IL1RAPL2: variants seen among roughly 807,000 people sequenced by gnomAD.
IL1RAPL2 encodes the protein interleukin 1 receptor accessory protein like 2, also known as X-linked interleukin-1 receptor accessory protein-like 2.
Under a neutral mutation model 44.1 loss-of-function variants are expected in IL1RAPL2, and 3 were observed. That is an observed-to-expected ratio of 0.07 (90% CI 0.03 to 0.18). IL1RAPL2 has a LOEUF of 0.18. Among genes scored for constraint, IL1RAPL2 ranks in the 10% least tolerant of loss-of-function variants. The pLI is 1.00. For missense variants in IL1RAPL2, 391 were observed against 496.4 expected, an observed-to-expected ratio of 0.79 and a Z score of 2.02; for synonymous variants, 181 against 178.8, an observed-to-expected ratio of 1.01 and a Z score of -0.10.
chrX:105,433,402 A>G (rs1161838461), intron 5 of IL1RAPL2, among the ~76,000 whole-genome samples: 2 of 111,197 alleles, frequency 1.8e-5, no homozygotes, highest in African/African-American at 6.5e-5. Context: ...TAAAATTAGG[A>G]AATTGGGTGA....
chrX:105,722,797 A>C (rs767894852), intron 7 of IL1RAPL2, among the ~76,000 whole-genome samples: 1 of 111,636 alleles, frequency 9.0e-6, no homozygotes, highest in Admixed American at 9.5e-5. Context: ...CTGGGAAGTC[A>C]AGATCAAGAT....
chrX:104,962,523 G>A (rs973713976), intron 2 of IL1RAPL2, among the ~76,000 whole-genome samples: 5 of 111,974 alleles, frequency 4.5e-5, no homozygotes, highest in African/African-American at 1.6e-4. Context: ...CATTTAGTGC[G>A]TAGCCTATGC....
intron 5 of IL1RAPL2, among the ~76,000 whole-genome samples, chrX:105,415,562 C>T (rs1190655022): frequency 9.0e-6 from 1 of 111,457 alleles, no homozygotes; most frequent in Non-Finnish European, 1.9e-5. Context: ...TATAATTGCA[C>T]TGTACTTTCT....
rs1471171266 is a variant in IL1RAPL2 at position 105,031,345 on chromosome X, G to A, written c.83-164130G>A. Among the ~76,000 whole-genome samples, 19 of 109,329 alleles carry A rather than the reference G, an allele frequency of 1.7e-4. No individual in the cohort carries two copies. In the Admixed American group the frequency reaches 1.8e-3, roughly 10 times the overall value. The allele number at this position is 109,329 out of a possible 115,157, so 94.9% of individuals were successfully genotyped here. A position where few individuals can be genotyped will look rare whatever the true frequency, so the allele number is the denominator to read the frequency against. ...CCAGTTTTCAAAGGGAATGCTTCCA[G>A]TTTTTGCCCATTCAGTATGATATTG... On this transcript the variant is annotated intron_variant, in intron 2 of 10. Coordinates refer to ENST00000372582, the MANE Select transcript of IL1RAPL2 (RefSeq NM_017416.2).
At chrX:105,014,811 A>G (rs1203066577) in intron 2 of IL1RAPL2, among the ~76,000 whole-genome samples, 2 of 112,029 alleles carry the variant, frequency 1.8e-5, no homozygotes, top group Middle Eastern at 4.3e-3. Context: ...ATGATTTATA[A>G]TACCTTGGGC....
At chrX:105,700,606 G>A (rs1475792729) in intron 6 of IL1RAPL2, among the ~76,000 whole-genome samples, 1 of 111,235 alleles carries the variant, frequency 9.0e-6, no homozygotes, top group Non-Finnish European at 1.9e-5. Context: ...CCTAGGTTGT[G>A]AAACCAAAGC....
At chrX:105,181,010 A>G (rs920918593) in intron 2 of IL1RAPL2, among the ~76,000 whole-genome samples, 5 of 111,180 alleles carry the variant, frequency 4.5e-5, no homozygotes, top group Non-Finnish European at 9.4e-5. Flanking sequence ...CAATTGTGCT[A>G]CTCATTATTG....
chrX:105,100,560 T>G, intron 2 of IL1RAPL2, among the ~76,000 whole-genome samples: 1 of 111,481 alleles, frequency 9.0e-6, no homozygotes, highest in South Asian at 3.8e-4. Context: ...TATGCTTATT[T>G]TACTTGGTGA....
intron 6 of IL1RAPL2, among the ~76,000 whole-genome samples, chrX:105,527,017 A>G (rs1345215197): frequency 8.9e-6 from 1 of 111,756 alleles, no homozygotes; most frequent in Non-Finnish European, 1.9e-5. Context: ...TAAGGAAGCT[A>G]AGAAAATTAT....
At chrX:105,572,098 T>G (rs2037018317) in intron 6 of IL1RAPL2, among the ~76,000 whole-genome samples, 1 of 111,683 alleles carries the variant, frequency 9.0e-6, no homozygotes, top group African/African-American at 3.3e-5. Context: ...AGACACTCAG[T>G]CTGTGTACCT....
At chrX:105,449,661 C>T (rs1041785633) in intron 5 of IL1RAPL2, among the ~76,000 whole-genome samples, 4 of 109,012 alleles carry the variant, frequency 3.7e-5, no homozygotes, top group East Asian at 2.9e-4. Flanking sequence ...GCAGGAGAAT[C>T]GCTTGAACCA....
At chrX:105,047,163 C>T (rs1299098648) in intron 2 of IL1RAPL2, among the ~76,000 whole-genome samples, 1 of 110,909 alleles carries the variant, frequency 9.0e-6, no homozygotes, top group African/African-American at 3.3e-5. Flanking sequence ...ATAGAGAGTT[C>T]TTTTATTTTT....
At chrX:105,343,619 C>T (rs1198474640) in intron 5 of IL1RAPL2, among the ~76,000 whole-genome samples, 1 of 111,628 alleles carries the variant, frequency 9.0e-6, no homozygotes, top group Non-Finnish European at 1.9e-5. Flanking sequence ...GCATGTACCC[C>T]CATAGTTATT....
At chrX:105,402,354 G>A in intron 5 of IL1RAPL2, among the ~76,000 whole-genome samples, 1 of 111,490 alleles carries the variant, frequency 9.0e-6, no homozygotes, top group Non-Finnish European at 1.9e-5. Flanking sequence ...CTTTCAGCAA[G>A]ATAAGGATGA....
At chrX:104,919,834 C>T (rs1201996579) in intron 2 of IL1RAPL2, among the ~76,000 whole-genome samples, 1 of 110,403 alleles carries the variant, frequency 9.1e-6, no homozygotes, top group Non-Finnish European at 1.9e-5. Flanking sequence ...AGCCACTGCG[C>T]CCAGCCCAGG....
At chrX:105,377,752 G>A (rs958244210) in intron 5 of IL1RAPL2, among the ~76,000 whole-genome samples, 5 of 111,063 alleles carry the variant, frequency 4.5e-5, no homozygotes, top group African/African-American at 1.6e-4. Context: ...AAACTCCAAT[G>A]TGAACTTACT....
chrX:105,761,129 A>G (rs2038682960), intron 10 of IL1RAPL2, among the ~76,000 whole-genome samples: 1 of 106,106 alleles, frequency 9.4e-6, no homozygotes, highest in South Asian at 4.4e-4. Context: ...CAGTGAGCCA[A>G]GATCACGCCA....
intron 2 of IL1RAPL2, among the ~76,000 whole-genome samples, chrX:104,764,930 T>C (rs1041617383): frequency 3.6e-5 from 4 of 112,220 alleles, no homozygotes; most frequent in African/African-American, 1.3e-4. Flanking sequence ...GATTAATTTT[T>C]CTAATGTATT....
intron 3 of IL1RAPL2, among the ~76,000 whole-genome samples, chrX:105,226,650 G>A (rs147794375): frequency 2.3e-4 from 25 of 109,631 alleles, no homozygotes; most frequent in Middle Eastern, 4.7e-3. Flanking sequence ...TGATCCACCC[G>A]CTTGGCCACC....
Sources: gnomAD v4.1 joint callset for allele counts (sites outside exome capture counted in the v4.1 genomes callset) on GRCh38, gnomAD v4.1.1 for gene constraint, MANE v1.5 for transcripts, NCBI Gene and HGNC (gene_info 2026-07-23, HGNC 2026-07-21) for gene names.